Variants in MAP3K15 observed in about 807,000 individuals in gnomAD.
The protein encoded by MAP3K15 is MAPK/ERK kinase kinase 15.
Under a neutral mutation model 99.5 loss-of-function variants are expected in MAP3K15, and 124 were observed. The ratio of observed to expected loss-of-function variants is 1.25; its 90% confidence interval spans 1.08 to 1.45. The LOEUF (loss-of-function observed/expected upper bound fraction) is 1.45, where lower values mean the gene tolerates loss of function less well. Among genes scored for constraint, MAP3K15 ranks in the 40% most tolerant of loss-of-function variants. The pLI is 0.00. For missense variants in MAP3K15, 1,242 were observed against 1,079.7 expected (o/e 1.15, Z -2.11); for synonymous variants, 494 against 439.6 (o/e 1.12, Z -1.55).
intron 7 of MAP3K15, among the ~76,000 whole-genome samples, chrX:19,431,035 T>A (rs1385759323): frequency 8.9e-6 from 1 of 111,732 alleles, no homozygotes; most frequent in African/African-American, 3.3e-5. Flanking sequence ...TGTGTCTGTA[T>A]CCCCACCACC....
At chrX:19,453,775 G>T (rs2064073956) in intron 6 of MAP3K15, among the ~76,000 whole-genome samples, 2 of 111,874 alleles carry the variant, frequency 1.8e-5, no homozygotes, top group African/African-American at 6.5e-5. Flanking sequence ...TAGAAAAGTG[G>T]GAAGATGTCA....
chrX:19,383,037 C>T (rs771673384), intron 18 of MAP3K15, among the ~76,000 whole-genome samples: 4 of 111,258 alleles, frequency 3.6e-5, no homozygotes, highest in African/African-American at 1.3e-4. Flanking sequence ...GACCCTCAGT[C>T]GGCCCCAGTC....
In MAP3K15 at chrX:19,490,774, A is replaced by G. The variant is rs183492312; in HGVS notation, c.362-1807T>C. Among the ~76,000 whole-genome samples the G allele has an allele frequency of 2.8e-3, 304 of 110,075 alleles. 2 individuals carry two copies. Among genetic ancestry groups the G allele is most frequent in the African/African-American group, 9.2e-3 (279 of 30,272 alleles). ...ATAAACTAAAAAAAAAAAAAAAATA[A>G]AATGCACCCTGGAGTTGCACCCTGT... On this transcript the variant is annotated intron_variant, in intron 1 of 28. Coordinates refer to ENST00000338883, the MANE Select transcript of MAP3K15 (RefSeq NM_001001671.4).
intron 16 of MAP3K15, 111 bp downstream of exon 16, chrX:19,394,970 C>A (rs1309891719): frequency 3.2e-6 from 3 of 923,502 alleles, no homozygotes; most frequent in African/African-American, 4.0e-5. Context: ...ACTACAGGCG[C>A]CCTACAGGCC....
intron 4 of MAP3K15, among the ~76,000 whole-genome samples, chrX:19,461,002 CAG>C (rs199797904): frequency 0.022 from 2,377 of 107,340 alleles, 75 homozygotes; most frequent in African/African-American, 0.078. Context: ...TTTCTTAAGA[CAG>C]AGTCTCGCAC....
chrX:19,398,420 AG>A, intron 14 of MAP3K15, 61 bp from the exon 15 acceptor site: 1 of 1,135,983 alleles, frequency 8.8e-7, no homozygotes, highest in Non-Finnish European at 1.2e-6. Flanking sequence ...AAGCCCTCTA[AG>A]GCCCCCAGAG....
chrX:19,397,179 C>G (rs1272504076), intron 15 of MAP3K15, among the ~76,000 whole-genome samples: 2 of 111,321 alleles, frequency 1.8e-5, no homozygotes, highest in African/African-American at 6.5e-5. Context: ...GCTGGGATTA[C>G]AGGCTTGAGC....
intron 3 of MAP3K15, among the ~76,000 whole-genome samples, chrX:19,483,460 G>A: frequency 9.0e-6 from 1 of 111,047 alleles, no homozygotes; most frequent in Non-Finnish European, 1.9e-5. Flanking sequence ...ATGCATCTTG[G>A]TTTTCACATA....
chrX:19,416,601 T>C (rs999334770), intron 9 of MAP3K15, among the ~76,000 whole-genome samples: 2 of 111,955 alleles, frequency 1.8e-5, no homozygotes, highest in Admixed American at 9.5e-5. Context: ...TTGATATGTA[T>C]TGCAGATTGA....
chrX:19,415,083 A>G (rs946732968), intron 10 of MAP3K15, 24 bp downstream of exon 10: 4 of 1,114,631 alleles, frequency 3.6e-6, no homozygotes, highest in Middle Eastern at 2.5e-4. Flanking sequence ...AATCTTAAAA[A>G]AAAATGGATT....
rs201782904 is a variant in MAP3K15 at position 19,452,388 on chromosome X, GAGAAAAGAAA to G, written c.995+4515_995+4524del. Among the ~76,000 whole-genome samples the G allele has an allele frequency of 0.02, 63 of 3,208 alleles. 24 individuals carry two copies. The East Asian group carries it at 0.89, about 45-fold the overall frequency. 2.8% of individuals were successfully genotyped at this position (3,208 alleles called of 115,157 possible). On this transcript the variant is annotated intron_variant, in intron 6 of 28. Coordinates refer to ENST00000338883, the MANE Select transcript of MAP3K15 (RefSeq NM_001001671.4). ...AGAGAAGAGAAGAGAGAAAAGAAAA[GAGAAAAGAAA>G]AGAAAAGAAAAGAAAAGAAAAGAAG...
At chrX:19,454,713 G>T (rs775468047) in intron 6 of MAP3K15, among the ~76,000 whole-genome samples, 1 of 112,028 alleles carries the variant, frequency 8.9e-6, no homozygotes, top group Admixed American at 9.5e-5. Context: ...CCCCTTTACA[G>T]ATACAAAGTA....
intron 12 of MAP3K15, 117 bp downstream of exon 12, chrX:19,409,807 G>A: frequency 1.7e-6 from 1 of 575,544 alleles, no homozygotes; most frequent in Non-Finnish European, 2.8e-6. Context: ...AGTCCACTTT[G>A]GATTCCATTA....
intron 6 of MAP3K15, among the ~76,000 whole-genome samples, chrX:19,443,669 G>A (rs759603684): frequency 9.0e-6 from 1 of 111,474 alleles, no homozygotes; most frequent in Admixed American, 9.5e-5. Flanking sequence ...TTCTGGGCGG[G>A]GGCACAGCAT....
rs374956867 is a variant in MAP3K15 at position 19,373,718 on chromosome X, C to T, written c.2774-23G>A. ...CTTCTGTAGGGGGACAGCCAGACACCGAATGGGGAGACTCAGAGAGGGACG... is the reference window on the plus strand; with the variant it reads ...CTTCTGTAGGGGGACAGCCAGACACTGAATGGGGAGACTCAGAGAGGGACG... On this transcript the variant is annotated intron_variant, in intron 20 of 28. Transcript: ENST00000338883. 253 of 1,188,809 alleles carry T rather than the reference C, an allele frequency of 2.1e-4. No individual in the cohort carries two copies. The African/African-American group carries it at 3.7e-3, about 17-fold the overall frequency.
At chrX:19,514,067 A>G (rs1451621113) in intron 1 of MAP3K15, among the ~76,000 whole-genome samples, 1 of 111,108 alleles carries the variant, frequency 9.0e-6, no homozygotes, top group Non-Finnish European at 1.9e-5. Flanking sequence ...TTTGGGGACG[A>G]GAATTGAAGT....
intron 3 of MAP3K15, among the ~76,000 whole-genome samples, chrX:19,485,526 G>A (rs977035898): frequency 9.1e-6 from 1 of 109,710 alleles, no homozygotes; most frequent in African/African-American, 3.3e-5. Flanking sequence ...ACTATACCAC[G>A]TGCTCTGTTT....
chrX:19,452,096 A>C (rs1211355125), intron 6 of MAP3K15, among the ~76,000 whole-genome samples: 1 of 18 alleles, frequency 0.056, no homozygotes, highest in South Asian at 0.5. Context: ...AAGAGAAGAG[A>C]AGAGAAGAGA....
At position 19,360,755 on chromosome X, in the gene MAP3K15, C is replaced by CTTGTCT; in HGVS notation, c.3930_3935dup (p.Asp1311_Lys1312dup). ...ACAGCTTAGCTGATTGGTATCAAGC[C>CTTGTCT]TTGTCTTTGGTTTCTGAGGCCTCCT... On this transcript the variant is annotated inframe_insertion, in exon 29 of 29. Coordinates refer to ENST00000338883, the MANE Select transcript of MAP3K15 (RefSeq NM_001001671.4). 1 of 1,206,711 alleles carries CTTGTCT rather than the reference C, an allele frequency of 8.3e-7. No homozygotes were observed.
Sources: allele counts gnomAD v4.1 joint callset (sites outside exome capture counted in the v4.1 genomes callset), GRCh38; gene constraint gnomAD v4.1.1; transcripts MANE v1.5; gene names NCBI Gene and HGNC (gene_info 2026-07-23, HGNC 2026-07-21).